URB1: variants seen among roughly 807,000 people sequenced by gnomAD.
URB1 encodes the protein nucleolar pre-ribosomal-associated protein 1.
A neutral mutation model predicts 242.3 loss-of-function variants in URB1; 197 were observed. The observed-to-expected ratio is 0.81, with a 90% CI of 0.72 to 0.91. The LOEUF (loss-of-function observed/expected upper bound fraction) is 0.91. Ranked by LOEUF, URB1 falls within the 40% of genes least tolerant of loss-of-function variation. The pLI is 0.00. For synonymous variants in URB1, 1,153 were observed against 1,201.8 expected, an observed-to-expected ratio of 0.96 and a Z score of 0.84; for missense variants, 2,721 against 2,860.5, an observed-to-expected ratio of 0.95 and a Z score of 1.11.
chr21:32,332,757 C>T (rs1304462043), intron 30 of URB1, among the ~76,000 whole-genome samples: 1 of 152,038 alleles, frequency 6.6e-6, no homozygotes, highest in African/African-American at 2.4e-5. Context: ...ATGAGCTATC[C>T]CTGCACACTG....
intron 14 of URB1, among the ~76,000 whole-genome samples, chr21:32,358,640 T>A (rs1215002164): frequency 6.6e-6 from 1 of 152,114 alleles, no homozygotes; most frequent in Admixed American, 6.5e-5. Flanking sequence ...GGGCGCAGGA[T>A]ATAAATTCAC....
chr21:32,369,379 T>G (rs1444912167), intron 8 of URB1, among the ~76,000 whole-genome samples: 2 of 152,128 alleles, frequency 1.3e-5, no homozygotes, highest in Non-Finnish European at 2.9e-5. Flanking sequence ...AACAGCACTA[T>G]GTAAATACAT....
At chr21:32,331,638 G>T (rs2123557811) in intron 30 of URB1, among the ~76,000 whole-genome samples, 1 of 152,292 alleles carries the variant, frequency 6.6e-6, no homozygotes, top group Non-Finnish European at 1.5e-5. Flanking sequence ...ACAAAGGCCG[G>T]AACAAAAGCC....
intron 4 of URB1, among the ~76,000 whole-genome samples, chr21:32,378,810 G>A (rs1336913690): frequency 2.0e-5 from 3 of 152,284 alleles, no homozygotes; most frequent in African/African-American, 7.2e-5. Flanking sequence ...GTAAAAAATA[G>A]TAGTGTTCCC....
intron 12 of URB1, among the ~76,000 whole-genome samples, chr21:32,361,375 T>G (rs1192803623): frequency 1.3e-5 from 2 of 152,180 alleles, no homozygotes; most frequent in Non-Finnish European, 1.5e-5. Flanking sequence ...TCAGGGGGTC[T>G]GGGTTAAAAC....
Position 32,338,729 on chromosome 21 carries a change from C to T in URB1, c.4488G>A (p.Glu1496=), listed in dbSNP as rs2032992902. Residue 1496 remains glutamate (E), a synonymous_variant, in exon 26 of 39, where the codon GAG becomes GAA. Coordinates refer to ENST00000382751, the MANE Select transcript of URB1 (RefSeq NM_014825.3). Reference sequence around the variant, plus strand: ...CACCTTTTACTTGGCTGTCCGGGCTCTCCTCTCCGTCAGACGTCAGTAGAG... The same window carrying T: ...CACCTTTTACTTGGCTGTCCGGGCTTTCCTCTCCGTCAGACGTCAGTAGAG... ...LPTLLTSDGE[E]SPDSQVKEAL... is the part of the protein sequence containing the mutation. The T allele has an allele frequency of 6.4e-7, 1 of 1,551,542 alleles. No individual in the cohort carries two copies. The highest frequency in any genetic ancestry group is 1.4e-5 in the African/African-American group (1 of 73,142).
intron 1 of URB1, among the ~76,000 whole-genome samples, chr21:32,389,648 T>C (rs2033618126): frequency 1.3e-5 from 2 of 152,186 alleles, no homozygotes; most frequent in Admixed American, 6.5e-5. Context: ...GGCAGGAACA[T>C]CCAGCTAATC....
At chr21:32,327,640 A>G (rs1201854672) in intron 30 of URB1, among the ~76,000 whole-genome samples, 1 of 152,248 alleles carries the variant, frequency 6.6e-6, no homozygotes, top group Non-Finnish European at 1.5e-5. Context: ...TCTTTTAGAA[A>G]TAATGACAAT....
Position 32,331,998 on chromosome 21 carries a change from G to A in URB1, c.4960+1319C>T, listed in dbSNP as rs188630607. On this transcript the variant is annotated intron_variant, in intron 30 of 38. Coordinates refer to ENST00000382751, the MANE Select transcript of URB1 (RefSeq NM_014825.3). ...GCAGCCCCCACTTCTACCTGTCCCC[G>A]CCAGGAAAGACCTGCAGAGGCCCAG... is the stretch of plus-strand genomic sequence containing the variant. Among the ~76,000 whole-genome samples the A allele has an allele frequency of 1.8e-3, 281 of 152,274 alleles. 2 individuals carry two copies. Among genetic ancestry groups the A allele is most frequent in the South Asian group, 0.018 (87 of 4,820 alleles).
At chr21:32,379,981 A>AG (rs894664314) in intron 4 of URB1, among the ~76,000 whole-genome samples, 2 of 151,826 alleles carry the variant, frequency 1.3e-5, no homozygotes, top group African/African-American at 4.8e-5. Flanking sequence ...TCCATCTCAA[A>AG]AAAAAAAAAA....
chr21:32,320,013 AATC>A (rs2032745306), intron 35 of URB1, among the ~76,000 whole-genome samples: 2 of 152,082 alleles, frequency 1.3e-5, no homozygotes, highest in African/African-American at 4.8e-5. Context: ...ACAGCAGGAG[AATC>A]AGGAATCACA....
At chr21:32,337,032 C>T in intron 28 of URB1, 62 bp downstream of exon 28, 2 of 1,468,820 alleles carry the variant, frequency 1.4e-6, no homozygotes, top group Non-Finnish European at 1.9e-6. Context: ...GAGTCTGGAG[C>T]TCACTGTGTG....
At chr21:32,385,889 C>T (rs1381999414) in intron 1 of URB1, among the ~76,000 whole-genome samples, 3 of 152,138 alleles carry the variant, frequency 2.0e-5, no homozygotes, top group Admixed American at 2.0e-4. Context: ...CGGTGGCTCA[C>T]GCCTGTAATC....
At chr21:32,339,392 A>AT (rs2033001428) in intron 25 of URB1, among the ~76,000 whole-genome samples, 1 of 152,102 alleles carries the variant, frequency 6.6e-6, no homozygotes, top group Non-Finnish European at 1.5e-5. Flanking sequence ...TACCACTGAC[A>AT]CGGCACTGCA....
rs527393389 is a variant in URB1 at position 32,349,311 on chromosome 21, T to C, written c.3005A>G (p.Asn1002Ser). Residue 1002 changes from asparagine to serine, a missense_variant, in exon 21 of 39, where the codon AAT (asparagine) becomes AGT (serine). Physicochemically the swap from Asn to Ser is conservative, Grantham distance 46. Transcript: ENST00000382751. Reference protein sequence around the residue: ...MESVASLELANDQTLEEVLVA... With the variant: ...MESVASLELASDQTLEEVLVA... ...GGCAACCTGTGGCGGTACCTGATCA[T>C]TGGCCAACTCCAGCGAGGCCACGGA... is the stretch of plus-strand genomic sequence containing the variant. 99 of 1,542,266 alleles carry C rather than the reference T, an allele frequency of 6.4e-5. No homozygotes were observed. Among genetic ancestry groups the C allele is most frequent in the South Asian group, 1.5e-4 (12 of 82,514 alleles).
At position 32,363,303 on chromosome 21, in the gene URB1, T is replaced by A. The variant is rs1458922387; in HGVS notation, c.1362A>T (p.Thr454=). Residue 454 remains threonine, a synonymous_variant, in exon 11 of 39, where the codon ACA becomes ACT. Transcript: ENST00000382751. ...AAATGACAGAAATAAGGGATAAGGCTGTGTGCCTCACTGAGGTGCTGTCCA... is the reference window on the plus strand; with the variant it reads ...AAATGACAGAAATAAGGGATAAGGCAGTGTGCCTCACTGAGGTGCTGTCCA... The part of the protein sequence containing the change: ...LNLDSTSVRH[T]ALSLISVILK... The A allele has an allele frequency of 1.9e-6, 3 of 1,551,566 alleles. No individual in the cohort carries two copies. The African/African-American group carries it at 4.1e-5, about 21-fold the overall frequency.
At chr21:32,387,107 C>A (rs2146057606) in intron 1 of URB1, among the ~76,000 whole-genome samples, 2 of 152,224 alleles carry the variant, frequency 1.3e-5, no homozygotes, top group African/African-American at 4.8e-5. Flanking sequence ...AGAAGTTCCC[C>A]ACTCAAAAAT....
rs372840045 is a variant in URB1 at position 32,312,898 on chromosome 21, G to A, written c.*2020C>T. 2.6e-5 allele frequency: 4 copies of A among 152,152 alleles called. No individual in the cohort carries two copies. The highest frequency in any genetic ancestry group is 4.4e-5 in the Non-Finnish European group (3 of 68,054). 9.4% of individuals were successfully genotyped at this position (152,152 alleles called of 1,614,324 possible). On this transcript the variant is annotated 3_prime_UTR_variant, in exon 39 of 39. Transcript: ENST00000382751. ...TAGCATTTTATATTTTAAGTCAGGT[G>A]AAGACCATGTTCGATCTATTCTCCA... is the stretch of plus-strand genomic sequence containing the variant.
chr21:32,375,341 A>G (rs922363919), intron 6 of URB1, 57 bp downstream of exon 6: 4 of 1,118,582 alleles, frequency 3.6e-6, no homozygotes, highest in Admixed American at 2.8e-5. Flanking sequence ...ACACCGGAGA[A>G]TATCTCCATT....
Sources: gnomAD v4.1 joint callset for allele counts (sites outside exome capture counted in the v4.1 genomes callset) on GRCh38, gnomAD v4.1.1 for gene constraint, MANE v1.5 for transcripts, NCBI Gene and HGNC (gene_info 2026-07-23, HGNC 2026-07-21) for gene names.